The following PIKFYVE variants were observed in gnomAD, a reference collection of about 807,000 sequenced individuals.
PIKFYVE encodes the protein phosphoinositide kinase, FYVE-type zinc finger containing.
In PIKFYVE, 122 loss-of-function variants were observed where a neutral mutation model predicts 257.9. The ratio of observed to expected loss-of-function variants is 0.47; its 90% confidence interval spans 0.41 to 0.55. PIKFYVE has a LOEUF of 0.55. PIKFYVE is among the 20% of genes least tolerant of loss of function. The probability of loss-of-function intolerance (pLI) is 0.00; values close to 1 mark genes in which losing one functional copy is unlikely to be tolerated. For missense variants in PIKFYVE, 2,160 were observed against 2,536.6 expected (o/e 0.85, Z 3.19); for synonymous variants, 892 against 868.9 (o/e 1.03, Z -0.47).
Position 208,339,479 on chromosome 2 carries a change from G to A in PIKFYVE, c.4734G>A (p.Leu1578=). The change falls in exon 30 of 42, where the codon TTG becomes TTA. Residue 1578 remains leucine (L), a synonymous_variant. Transcript: ENST00000264380. ...CCACCAGTTCTACTCATCTCCAATT[G>A]CCTACGCCACCTGAAGTCATGTCTG... ...QSSTSSTHLQ[L]PTPPEVMSEQ... 1 of 1,614,096 alleles carries A rather than the reference G, an allele frequency of 6.2e-7. No individual in the cohort carries two copies. Among genetic ancestry groups the A allele is most frequent in the Non-Finnish European group, 8.5e-7 (1 of 1,180,008 alleles).
intron 16 of PIKFYVE, 31 bp from the exon 17 acceptor site, chr2:208,320,221 A>C (rs770697887): frequency 6.9e-6 from 11 of 1,605,304 alleles, no homozygotes; most frequent in Middle Eastern, 1.8e-4. Context: ...CAAACCTTTA[A>C]ACACTTTAAC....
chr2:208,329,881 A>G lies in PIKFYVE; in HGVS notation c.3759A>G (p.Thr1253=), dbSNP rs767543437. 9 of 1,610,694 alleles carry G rather than the reference A, an allele frequency of 5.6e-6. No homozygotes were observed. In the South Asian group the frequency reaches 7.7e-5, roughly 14 times the overall value. The change falls in exon 22 of 42, where the codon ACA becomes ACG. Residue 1253 remains threonine, a synonymous_variant. Transcript: ENST00000264380. The part of the protein sequence containing the change: ...TMEFYGKNDL[T]LGIFLERYCF... ...AATTTTATGGAAAGAATGATCTTAC[A>G]TTAGGAATATTTTTAGAGAGATACT...
At chr2:208,306,331 T>C (rs1332408876) in intron 12 of PIKFYVE, among the ~76,000 whole-genome samples, 1 of 152,180 alleles carries the variant, frequency 6.6e-6, no homozygotes, top group Non-Finnish European at 1.5e-5. Flanking sequence ...GTGTGAGAAT[T>C]AACTATAGAT....
chr2:208,350,806 C>T lies in PIKFYVE; in HGVS notation c.5470C>T (p.Leu1824Phe). The change falls in exon 37 of 42, where the codon CTC becomes TTC. Residue 1824 changes from leucine to phenylalanine, a missense_variant. Physicochemically the swap from Leu to Phe is conservative, Grantham distance 22. This residue lies in a region of PIKFYVE where 699 missense variants were observed against 855.8 expected (regional missense o/e 0.82). Coordinates refer to ENST00000264380, the MANE Select transcript of PIKFYVE (RefSeq NM_015040.4). Reference sequence around the variant, plus strand: ...TGCTAATGCCAAGTTTTACTGTCGGCTCTACTATGCGGGAGAGTTTCATAA... The same window carrying T: ...TGCTAATGCCAAGTTTTACTGTCGGTTCTACTATGCGGGAGAGTTTCATAA... ...SDANAKFYCR[L>F]YYAGEFHKMR... is the part of the protein sequence containing the mutation. 1 of 1,614,182 alleles carries T rather than the reference C, an allele frequency of 6.2e-7. No individual in the cohort carries two copies. Among genetic ancestry groups the T allele is most frequent in the Non-Finnish European group, 8.5e-7 (1 of 1,180,032 alleles).
intron 8 of PIKFYVE, among the ~76,000 whole-genome samples, chr2:208,300,303 A>T (rs1439552605): frequency 6.6e-6 from 1 of 152,184 alleles, no homozygotes; most frequent in Non-Finnish European, 1.5e-5. Context: ...GTGAAGAAAG[A>T]TACAGAGGTA....
intron 12 of PIKFYVE, chr2:208,305,248 A>G (rs1356346314): frequency 2.2e-6 from 3 of 1,388,218 alleles, no homozygotes; most frequent in Admixed American, 5.8e-5. Context: ...TAAAGCTTGT[A>G]GTCTTTAAAA....
At chr2:208,275,093 G>A (rs1293513182) in intron 3 of PIKFYVE, among the ~76,000 whole-genome samples, 1 of 152,200 alleles carries the variant, frequency 6.6e-6, no homozygotes, top group Non-Finnish European at 1.5e-5. Context: ...GAAGCCTGGT[G>A]TTATTTGGCC....
chr2:208,324,861 G>A, intron 18 of PIKFYVE, 50 bp from the exon 19 acceptor site: 1 of 1,593,728 alleles, frequency 6.3e-7, no homozygotes. Flanking sequence ...AATTTACAAA[G>A]ATTTTTATTC....
intron 5 of PIKFYVE, among the ~76,000 whole-genome samples, chr2:208,281,624 T>G (rs1240024513): frequency 6.6e-6 from 1 of 152,132 alleles, no homozygotes; most frequent in Non-Finnish European, 1.5e-5. Context: ...AAATTAGCAG[T>G]GTCTTGCAAG....
At chr2:208,276,441 A>G (rs1311193497) in intron 3 of PIKFYVE, among the ~76,000 whole-genome samples, 7 of 152,208 alleles carry the variant, frequency 4.6e-5, no homozygotes, top group Non-Finnish European at 2.9e-5. Flanking sequence ...TGATGTTCCC[A>G]TTCCAGGCCT....
Position 208,276,716 on chromosome 2 carries a change from A to C in PIKFYVE, c.327A>C (p.Thr109=). 1 of 1,612,854 alleles carries C rather than the reference A, an allele frequency of 6.2e-7. No homozygotes were observed. Among genetic ancestry groups the C allele is most frequent in the Non-Finnish European group, 8.5e-7 (1 of 1,178,922 alleles). ...TTTTTTTTTAATCCAACTCAGACAC[A>C]AGAAGGAAAGCAGAACCTACCTTTG... ...ELQRRSSALD[T]RRKAEPTFGG... The change falls in exon 4 of 42, where the codon ACA becomes ACC. Residue 109 remains threonine, a synonymous_variant. Coordinates refer to ENST00000264380, the MANE Select transcript of PIKFYVE (RefSeq NM_015040.4).
intron 7 of PIKFYVE, among the ~76,000 whole-genome samples, chr2:208,295,875 A>G (rs1482012267): frequency 6.6e-6 from 1 of 152,210 alleles, no homozygotes; most frequent in Non-Finnish European, 1.5e-5. Context: ...TACTTGTTGA[A>G]ATGCAATGTT....
Position 208,325,490 on chromosome 2 carries a change from T to A in PIKFYVE, c.2679T>A (p.Ile893=), listed in dbSNP as rs746042089. 6.2e-7 allele frequency: 1 copy of A among 1,614,154 alleles called. No homozygotes were observed. Among genetic ancestry groups the A allele is most frequent in the South Asian group, 1.1e-5 (1 of 91,088 alleles). The change falls in exon 20 of 42, where the codon ATT becomes ATA. Residue 893 remains isoleucine (I), a synonymous_variant. Coordinates refer to ENST00000264380, the MANE Select transcript of PIKFYVE (RefSeq NM_015040.4). ...LMQNPSFHSL[I]EGRGHEGAVQ... Reference sequence around the variant, plus strand: ...AAAACCCTTCATTCCATTCCCTGATTGAGGGACGAGGGCATGAGGGGGCTG... The same window carrying A: ...AAAACCCTTCATTCCATTCCCTGATAGAGGGACGAGGGCATGAGGGGGCTG...
intron 12 of PIKFYVE, among the ~76,000 whole-genome samples, chr2:208,306,999 G>C (rs1312546926): frequency 6.6e-6 from 1 of 152,114 alleles, no homozygotes; most frequent in African/African-American, 2.4e-5. Context: ...GGCTGGTCTT[G>C]AACTCCTGGC....
rs760396609 is a variant in PIKFYVE, at chr2:208,345,157, C to T, written c.5074C>T (p.Gln1692Ter). 1 of 1,612,918 alleles carries T rather than the reference C, an allele frequency of 6.2e-7. No homozygotes were observed. Among genetic ancestry groups the T allele is most frequent in the Non-Finnish European group, 8.5e-7 (1 of 1,179,034 alleles). ...NALEELSKAT[Q>*]WNSAEEGLPT... Reference sequence around the variant, plus strand: ...CTTAGAGGAATTGTCTAAAGCGACTCAGTGGAACAGTGCCGAAGAAGGGCT... The same window carrying T: ...CTTAGAGGAATTGTCTAAAGCGACTTAGTGGAACAGTGCCGAAGAAGGGCT... Residue 1692 changes from glutamine (Q) to a stop codon, truncating the protein, a stop_gained, in exon 33 of 42, where the codon CAG becomes TAG. Transcript: ENST00000264380. LOFTEE classifies it high-confidence loss of function.
intron 31 of PIKFYVE, among the ~76,000 whole-genome samples, chr2:208,340,874 T>C (rs1361862796): frequency 6.6e-6 from 1 of 152,224 alleles, no homozygotes; most frequent in African/African-American, 2.4e-5. Flanking sequence ...GTATGTGATA[T>C]GTTACATGAC....
chr2:208,343,413 G>T (rs1698908715), intron 32 of PIKFYVE, among the ~76,000 whole-genome samples: 1 of 152,142 alleles, frequency 6.6e-6, no homozygotes, highest in African/African-American at 2.4e-5. Flanking sequence ...TTGAGGATAT[G>T]TTCTAAGAAC....
chr2:208,338,560 G>A lies in PIKFYVE; in HGVS notation c.4664G>A (p.Gly1555Glu). 6.2e-7 allele frequency: 1 copy of A among 1,613,104 alleles called. No individual in the cohort carries two copies. Among genetic ancestry groups the A allele is most frequent in the Non-Finnish European group, 8.5e-7 (1 of 1,179,206 alleles). The change falls in exon 29 of 42, where the codon GGA becomes GAA. Residue 1555 changes from glycine (G) to glutamate (E), a missense_variant. Coordinates refer to ENST00000264380, the MANE Select transcript of PIKFYVE (RefSeq NM_015040.4). ...AATATTTCTCCAGGACTTCAGAATG[G>A]AGAAAAAGGTTGGTTCTTGAGTCTG... ...PRNISPGLQNGEKEDRFLTTL... is the reference protein window; with the variant it reads ...PRNISPGLQNEEKEDRFLTTL...
chr2:208,336,996 T>A, intron 28 of PIKFYVE, 68 bp downstream of exon 28: 1 of 1,202,758 alleles, frequency 8.3e-7, no homozygotes, highest in Non-Finnish European at 1.2e-6. Context: ...TTATAATACT[T>A]AGCAGGGATA....
Sources: allele counts gnomAD v4.1 joint callset (sites outside exome capture counted in the v4.1 genomes callset), GRCh38; gene constraint gnomAD v4.1.1; regional missense constraint gnomAD v4.1.1; transcripts MANE v1.5; gene names NCBI Gene and HGNC (gene_info 2026-07-23, HGNC 2026-07-21).